The following RNF111 variants were observed in gnomAD, a reference collection of about 807,000 sequenced individuals.
RNF111 encodes E3 ubiquitin-protein ligase Arkadia.
Under a neutral mutation model 95.1 loss-of-function variants are expected in RNF111, and 17 were observed. The ratio of observed to expected loss-of-function variants is 0.18; its 90% CI spans 0.12 to 0.27. The LOEUF (loss-of-function observed/expected upper bound fraction) is 0.27, where lower values mean the gene tolerates loss of function less well. Ranked by LOEUF, RNF111 falls within the 10% of genes least tolerant of loss-of-function variation. The pLI is 1.00. For synonymous variants in RNF111, 440 were observed against 414.8 expected, an observed-to-expected ratio of 1.06 and a Z score of -0.74; for missense variants, 1,189 against 1,210.4, an observed-to-expected ratio of 0.98 and a Z score of 0.26.
intron 1 of RNF111, among the ~76,000 whole-genome samples, chr15:59,015,583 C>A (rs1596083415): frequency 6.6e-6 from 1 of 151,832 alleles, no homozygotes; most frequent in East Asian, 1.9e-4. Flanking sequence ...AACCTATAAT[C>A]CCTCACTCTG....
At chr15:58,998,977 A>G (rs1398824276) in intron 1 of RNF111, among the ~76,000 whole-genome samples, 2 of 152,200 alleles carry the variant, frequency 1.3e-5, no homozygotes, top group Non-Finnish European at 2.9e-5. Flanking sequence ...TTTTTCACTG[A>G]TAGTATGAGG....
intron 13 of RNF111, 115 bp downstream of exon 13, chr15:59,092,755 A>G: frequency 1.9e-6 from 2 of 1,032,442 alleles, no homozygotes; most frequent in Non-Finnish European, 2.7e-6. Context: ...GCACTTTTTG[A>G]GGCCAAGGCC....
At chr15:59,036,916 A>C (rs570302535) in intron 2 of RNF111, among the ~76,000 whole-genome samples, 2 of 151,250 alleles carry the variant, frequency 1.3e-5, no homozygotes, top group Non-Finnish European at 2.9e-5. Flanking sequence ...TGCAGCCTCA[A>C]CCTCCTTGGG....
At chr15:59,083,038 A>C (rs1944780490) in intron 8 of RNF111, among the ~76,000 whole-genome samples, 1 of 152,072 alleles carries the variant, frequency 6.6e-6, no homozygotes, top group Non-Finnish European at 1.5e-5. Context: ...AGTCCCAGCT[A>C]CTCAGGTGGC....
chr15:59,045,635 A>C (rs2041672802), intron 2 of RNF111, among the ~76,000 whole-genome samples: 1 of 152,176 alleles, frequency 6.6e-6, no homozygotes. Context: ...GAAATAAGGA[A>C]AGTTTTTTAA....
At chr15:59,011,010 CAGAT>C (rs1334500070) in intron 1 of RNF111, among the ~76,000 whole-genome samples, 2 of 152,096 alleles carry the variant, frequency 1.3e-5, no homozygotes, top group Non-Finnish European at 2.9e-5. Context: ...TCGTTCTAGA[CAGAT>C]AGTTGTTTGA....
At chr15:59,039,720 G>A (rs1269839626) in intron 2 of RNF111, among the ~76,000 whole-genome samples, 1 of 149,904 alleles carries the variant, frequency 6.7e-6, no homozygotes, top group Non-Finnish European at 1.5e-5. Flanking sequence ...AAGAACTCCT[G>A]ATTTTTTTTT....
intron 13 of RNF111, among the ~76,000 whole-genome samples, chr15:59,092,987 G>C (rs1444445172): frequency 6.6e-6 from 1 of 152,152 alleles, no homozygotes; most frequent in African/African-American, 2.4e-5. Context: ...GGGCAATAGA[G>C]TGAGACCCTG....
intron 7 of RNF111, among the ~76,000 whole-genome samples, chr15:59,077,321 C>G (rs1566936664): frequency 6.6e-6 from 1 of 152,028 alleles, no homozygotes; most frequent in East Asian, 1.9e-4. Context: ...TCAAAATGTC[C>G]TAATAAATAC....
intron 6 of RNF111, among the ~76,000 whole-genome samples, chr15:59,074,116 G>T (rs148226046): frequency 1.5e-3 from 221 of 152,212 alleles, no homozygotes; most frequent in African/African-American, 5.2e-3. Flanking sequence ...AGTAAACCAC[G>T]TAAATAGCTG....
intron 1 of RNF111, among the ~76,000 whole-genome samples, chr15:58,997,961 G>A (rs1366513770): frequency 1.3e-5 from 2 of 151,814 alleles, no homozygotes; most frequent in Admixed American, 1.3e-4. Flanking sequence ...CTGGAGTGCA[G>A]TGGGGCGATC....
intron 2 of RNF111, among the ~76,000 whole-genome samples, chr15:59,033,171 G>A (rs1199676999): frequency 1.3e-5 from 2 of 152,166 alleles, no homozygotes; most frequent in Non-Finnish European, 2.9e-5. Flanking sequence ...ACTAACATAA[G>A]CTTTCTCAGT....
At chr15:59,070,699 C>T (rs910325949) in intron 6 of RNF111, among the ~76,000 whole-genome samples, 1 of 152,098 alleles carries the variant, frequency 6.6e-6, no homozygotes, top group Non-Finnish European at 1.5e-5. Flanking sequence ...TTCTCTTTCC[C>T]AACTTGAGTA....
chr15:59,033,560 G>T (rs549088630), intron 2 of RNF111, among the ~76,000 whole-genome samples: 8 of 152,250 alleles, frequency 5.3e-5, no homozygotes, highest in African/African-American at 1.7e-4. Flanking sequence ...ACTAGTTTTG[G>T]GAGTGAGTAC....
At chr15:59,071,800 G>A (rs760581022) in intron 6 of RNF111, among the ~76,000 whole-genome samples, 7 of 152,062 alleles carry the variant, frequency 4.6e-5, no homozygotes, top group Non-Finnish European at 1.0e-4. Context: ...CCCTAAAATC[G>A]TATTCCTAAT....
chr15:59,058,635 G>C (rs962999621), intron 5 of RNF111, 85 bp downstream of exon 5: 1 of 1,222,802 alleles, frequency 8.2e-7, no homozygotes, highest in Non-Finnish European at 1.2e-6. Flanking sequence ...TAAGATTTTA[G>C]CTATGTTAAT....
chr15:59,087,920 G>T (rs2078943200), intron 10 of RNF111, among the ~76,000 whole-genome samples: 1 of 152,186 alleles, frequency 6.6e-6, no homozygotes, highest in African/African-American at 2.4e-5. Context: ...GAATGGTTCA[G>T]TAATGGTGAG....
At chr15:59,037,362 A>G (rs2041229584) in intron 2 of RNF111, among the ~76,000 whole-genome samples, 1 of 152,210 alleles carries the variant, frequency 6.6e-6, no homozygotes. Context: ...CAAGAACTCC[A>G]GATATTTAAA....
chr15:59,086,715 A>G (rs2078910651), intron 10 of RNF111, among the ~76,000 whole-genome samples: 1 of 152,236 alleles, frequency 6.6e-6, no homozygotes, highest in Non-Finnish European at 1.5e-5. Context: ...AGCAAATAGC[A>G]CAAGCACTGG....
Sources: gnomAD v4.1 joint callset for allele counts (sites outside exome capture counted in the v4.1 genomes callset) on GRCh38, gnomAD v4.1.1 for gene constraint, MANE v1.5 for transcripts, NCBI Gene and HGNC (gene_info 2026-07-23, HGNC 2026-07-21) for gene names.